The following DSC2 variants were observed in gnomAD, a reference collection of about 807,000 sequenced individuals.
DSC2 encodes the protein desmocollin-2.
DSC2 carries 51 observed loss-of-function variants against 87.6 expected under a neutral mutation model. The observed-to-expected ratio is 0.58, with a 90% CI of 0.46 to 0.74. The LOEUF (loss-of-function observed/expected upper bound fraction) is 0.74. Among genes scored for constraint, DSC2 ranks in the 30% least tolerant of loss-of-function variants. The probability of loss-of-function intolerance (pLI) is 0.00; values close to 1 mark genes in which losing one functional copy is unlikely to be tolerated. For synonymous variants in DSC2, 383 were observed against 393.2 expected, an observed-to-expected ratio of 0.97 and a Z score of 0.31; for missense variants, 1,066 against 1,089.5, an observed-to-expected ratio of 0.98 and a Z score of 0.30.
intron 5 of DSC2, among the ~76,000 whole-genome samples, chr18:31,089,215 A>G (rs1276526607): frequency 6.6e-6 from 1 of 150,954 alleles, no homozygotes; most frequent in Non-Finnish European, 1.5e-5. Flanking sequence ...TTGTGGGGGA[A>G]AAAAAAATAG....
chr18:31,081,892 A>G (rs1399380791), intron 9 of DSC2, among the ~76,000 whole-genome samples: 2 of 152,192 alleles, frequency 1.3e-5, no homozygotes, highest in East Asian at 3.9e-4. Context: ...TGGGAAATTC[A>G]GTAAGTAAAT....
At chr18:31,077,416 T>C (rs936682010) in intron 11 of DSC2, among the ~76,000 whole-genome samples, 28 of 152,318 alleles carry the variant, frequency 1.8e-4, no homozygotes, top group Non-Finnish European at 3.7e-4. Context: ...TTGAATCTGG[T>C]TAATTGTGCT....
chr18:31,069,291 T>C (rs887317778), intron 14 of DSC2, 140 bp from the exon 15 acceptor site: 1 of 1,128,024 alleles, frequency 8.9e-7, no homozygotes, highest in Non-Finnish European at 1.3e-6. Context: ...CTAAATCTAT[T>C]TTGTGAATCC....
In DSC2 at chr18:31,093,652, TG is replaced by T; in HGVS notation, c.70-10del. 6.4e-7 allele frequency: 1 copy of T among 1,553,658 alleles called. No individual in the cohort carries two copies. The highest frequency in any genetic ancestry group is 8.8e-7 in the Non-Finnish European group (1 of 1,142,798). On this transcript the variant is annotated splice_polypyrimidine_tract_variant and intron_variant, in intron 1 of 15. Transcript: ENST00000280904. The stretch of plus-strand genomic sequence containing the variant: ...CTGGCAAATATTAAGATCTAAAAAA[TG>T]AAAAAAAATCAAATAAATATTATGC...
At chr18:31,089,775 G>C (rs897305806) in intron 4 of DSC2, among the ~76,000 whole-genome samples, 181 bp from the exon 5 acceptor site, 16 of 152,004 alleles carry the variant, frequency 1.1e-4, no homozygotes, top group Non-Finnish European at 2.2e-4. Flanking sequence ...CAAGAGCAAG[G>C]CATGAGTAAA....
chr18:31,092,179 T>C lies in DSC2; in HGVS notation c.276A>G (p.Arg92=). The change falls in exon 3 of 16, where the codon AGA becomes AGG. Residue 92 remains arginine, a synonymous_variant. Coordinates refer to ENST00000280904, the MANE Select transcript of DSC2 (RefSeq NM_024422.6). ...TNTILLSSEK[R]SFTILLSNTE... is the part of the protein sequence containing the mutation. Reference sequence around the variant, plus strand: ...TGTTGGAAAGTAATATGGTAAAACTTCTCTTCTCCGAGGACAATAGAATAG... The same window carrying C: ...TGTTGGAAAGTAATATGGTAAAACTCCTCTTCTCCGAGGACAATAGAATAG... 1 of 1,613,682 alleles carries C rather than the reference T, an allele frequency of 6.2e-7. No homozygotes were observed. Among genetic ancestry groups the C allele is most frequent in the Non-Finnish European group, 8.5e-7 (1 of 1,179,758 alleles).
In DSC2 at chr18:31,059,252, C is replaced by T. The variant is rs78515872; in HGVS notation, c.*8763G>A. 2.4e-3 allele frequency: 370 copies of T among 152,284 alleles called. 1 individual carries two copies. The highest frequency in any genetic ancestry group is 8.5e-3 in the African/African-American group (353 of 41,566). The allele number at this position is 152,284 out of a possible 1,614,324, so 9.4% of individuals were successfully genotyped here. Reference sequence around the variant, plus strand: ...AACACATTTAATTGGTTTAAACTTGCATTCATTATGCAAACTTTGCTTGAA... The same window carrying T: ...AACACATTTAATTGGTTTAAACTTGTATTCATTATGCAAACTTTGCTTGAA... On this transcript the variant is annotated 3_prime_UTR_variant, in exon 16 of 16. Coordinates refer to ENST00000280904, the MANE Select transcript of DSC2 (RefSeq NM_024422.6).
At position 31,064,778 on chromosome 18, in the gene DSC2, T is replaced by G. The variant is rs1404861340; in HGVS notation, c.*3237A>C. On this transcript the variant is annotated 3_prime_UTR_variant, in exon 16 of 16. Transcript: ENST00000280904. ...GGCACAAAGAAGGGAAAGCATTTTA[T>G]TTTGGAGATGATACTAAAGGGGCTG... 9.9e-5 allele frequency: 15 copies of G among 152,150 alleles called. No individual in the cohort carries two copies. 9.4% of individuals were successfully genotyped at this position (152,150 alleles called of 1,614,324 possible).
intron 1 of DSC2, chr18:31,101,647 G>A: frequency 2.2e-6 from 1 of 464,600 alleles, no homozygotes; most frequent in Non-Finnish European, 3.8e-6. Flanking sequence ...AAAGCGGCCC[G>A]CTCCCGCCTC....
At position 31,059,574 on chromosome 18, in the gene DSC2, T is replaced by C. The variant is rs571499809; in HGVS notation, c.*8441A>G. The C allele has an allele frequency of 6.6e-6, 1 of 152,332 alleles. No individual in the cohort carries two copies. The highest frequency in any genetic ancestry group is 1.9e-4 in the East Asian group (1 of 5,174). The allele number at this position is 152,332 out of a possible 1,614,324, so 9.4% of individuals were successfully genotyped here. A position where few individuals can be genotyped will look rare whatever the true frequency, so the allele number is the denominator to read the frequency against. ...AAATTCTAAAGCCTGTGAGTTTTTC[T>C]TGCTCTGTATTTCATTTACATGAAC... On this transcript the variant is annotated 3_prime_UTR_variant, in exon 16 of 16. Transcript: ENST00000280904.
At chr18:31,090,793 A>G (rs535862238) in intron 4 of DSC2, among the ~76,000 whole-genome samples, 1 of 152,328 alleles carries the variant, frequency 6.6e-6, no homozygotes, top group South Asian at 2.1e-4. Flanking sequence ...GTGACAATTC[A>G]TTAAGGAACC....
chr18:31,083,421 G>A (rs980386652), intron 7 of DSC2, among the ~76,000 whole-genome samples: 1 of 152,080 alleles, frequency 6.6e-6, no homozygotes, highest in Non-Finnish European at 1.5e-5. Flanking sequence ...TTAACTTACA[G>A]AATATAGATT....
intron 11 of DSC2, among the ~76,000 whole-genome samples, chr18:31,079,526 A>T (rs953940199): frequency 6.6e-6 from 1 of 152,198 alleles, no homozygotes; most frequent in Non-Finnish European, 1.5e-5. Context: ...AAGTGCTGGG[A>T]TTACAGGCAT....
Position 31,101,985 on chromosome 18 carries a change from G to A in DSC2, c.-14C>T. On this transcript the variant is annotated 5_prime_UTR_variant, in exon 1 of 16. Coordinates refer to ENST00000280904, the MANE Select transcript of DSC2 (RefSeq NM_024422.6). ...GGCTGCCTCCATGGAGAGGGCTCGG[G>A]GCAGGTCGCGGGCCGAGCGTCGGGC... 6.6e-7 allele frequency: 1 copy of A among 1,506,308 alleles called. No individual in the cohort carries two copies. Among genetic ancestry groups the A allele is most frequent in the African/African-American group, 1.4e-5 (1 of 70,048 alleles). The allele number at this position is 1,506,308 out of a possible 1,614,324, so 93.3% of individuals were successfully genotyped here.
chr18:31,092,822 A>G (rs1987645553), intron 2 of DSC2, among the ~76,000 whole-genome samples: 1 of 152,176 alleles, frequency 6.6e-6, no homozygotes, highest in Non-Finnish European at 1.5e-5. Context: ...TTTAAGAATA[A>G]AAATCCAAAA....
At position 31,068,996 on chromosome 18, in the gene DSC2, G is replaced by A. The variant is rs984647660; in HGVS notation, c.2406C>T (p.His802=). ...QTSESCRGAG[H]HHTLDSCRGG... is the part of the protein sequence containing the mutation. The stretch of plus-strand genomic sequence containing the variant: ...CCCTGCAGGAGTCCAGGGTGTGATG[G>A]TGGCCAGCCCCCCGGCAGGATTCCG... Residue 802 remains histidine (H), a synonymous_variant, in exon 15 of 16, where the codon CAC becomes CAT. Transcript: ENST00000280904. 6.2e-7 allele frequency: 1 copy of A among 1,614,048 alleles called. No homozygotes were observed. Among genetic ancestry groups the A allele is most frequent in the African/African-American group, 1.3e-5 (1 of 75,032 alleles).
Position 31,089,499 on chromosome 18 carries a change from T to C in DSC2, c.570A>G (p.Arg190=), listed in dbSNP as rs1460748481. The change falls in exon 5 of 16, where the codon AGA becomes AGG. Residue 190 remains arginine (R), a synonymous_variant. Transcript: ENST00000280904. ...QEPRNLFYVE[R]DTGNLYCTRP... ...GAGTACAATACAAGTTTCCAGTGTC[T>C]CTCTCCACATAAAATAAATTCCGAG... 3 of 1,613,908 alleles carry C rather than the reference T, an allele frequency of 1.9e-6. No homozygotes were observed. The highest frequency in any genetic ancestry group is 2.5e-6 in the Non-Finnish European group (3 of 1,179,976).
Position 31,074,421 on chromosome 18 carries a change from ATGTGTGTG to A in DSC2, c.1888+254_1888+261del, listed in dbSNP as rs71175757. Among the ~76,000 whole-genome samples, 14,625 of 139,904 alleles carry A rather than the reference ATGTGTGTG, an allele frequency of 0.1. 840 individuals carry two copies. The highest frequency in any genetic ancestry group is 0.13 in the Non-Finnish European group (8,724 of 64,638). 91.8% of individuals were successfully genotyped at this position (139,904 alleles called of 152,430 possible). On this transcript the variant is annotated intron_variant, in intron 12 of 15. Transcript: ENST00000280904. Reference sequence around the variant, plus strand: ...AGAGAGAAAGAGAGAAAGAGAAAAAATGTGTGTGTGTGTGTGTGTGTGTGTGTGTGTGT... The same window carrying A: ...AGAGAGAAAGAGAGAAAGAGAAAAAATGTGTGTGTGTGTGTGTGTGTGTGT...
chr18:31,087,509 T>G (rs12969174), intron 6 of DSC2, among the ~76,000 whole-genome samples, 160 bp downstream of exon 6: 1 of 152,184 alleles, frequency 6.6e-6, no homozygotes, highest in Non-Finnish European at 1.5e-5. Flanking sequence ...TTAGGAAATT[T>G]GCCAAGCATC....
Sources: gnomAD v4.1 joint callset for allele counts (sites outside exome capture counted in the v4.1 genomes callset) on GRCh38, gnomAD v4.1.1 for gene constraint, MANE v1.5 for transcripts, NCBI Gene and HGNC (gene_info 2026-07-23, HGNC 2026-07-21) for gene names.